INSR: variants seen among roughly 807,000 people sequenced by gnomAD.
INSR encodes the protein IR.
In INSR, 67 loss-of-function variants were observed where a neutral mutation model predicts 142.6. That is an observed-to-expected ratio of 0.47 (90% CI 0.39 to 0.58). INSR has a LOEUF of 0.58. Among genes scored for constraint, INSR ranks in the 20% least tolerant of loss-of-function variants. The pLI, the probability that INSR is intolerant of heterozygous loss-of-function variation, is 0.00. For missense variants in INSR, 1,248 were observed against 1,833.2 expected (o/e 0.68, Z 5.83); for synonymous variants, 756 against 743.1 (o/e 1.02, Z -0.28).
intron 14 of INSR, among the ~76,000 whole-genome samples, chr19:7,130,947 C>T (rs866374211): frequency 2.0e-5 from 3 of 148,572 alleles, no homozygotes; most frequent in African/African-American, 5.1e-5. Flanking sequence ...GGCGTGATGT[C>T]GGCTCACTGC....
In INSR at chr19:7,261,546, T is replaced by A. The variant is rs553286910; in HGVS notation, c.652+5799A>T. Among the ~76,000 whole-genome samples the A allele has an allele frequency of 3.5e-3, 519 of 149,086 alleles. 4 individuals carry two copies. Among genetic ancestry groups the A allele is most frequent in the African/African-American group, 0.012 (490 of 41,372 alleles). Reference sequence around the variant, plus strand: ...CCCTAACCATTTTTTTTTCTTTTTTTAAAAAATGGAGTTTCACTCTGTCGG... The same window carrying A: ...CCCTAACCATTTTTTTTTCTTTTTTAAAAAAATGGAGTTTCACTCTGTCGG... On this transcript the variant is annotated intron_variant, in intron 2 of 21. Transcript: ENST00000302850.
intron 2 of INSR, among the ~76,000 whole-genome samples, chr19:7,198,561 T>G (rs770761390): frequency 2.0e-5 from 3 of 152,110 alleles, no homozygotes; most frequent in Non-Finnish European, 4.4e-5. Flanking sequence ...AGGGGCCCCC[T>G]GACCCCAGGC....
At chr19:7,244,731 T>A (rs931186660) in intron 2 of INSR, among the ~76,000 whole-genome samples, 2 of 152,160 alleles carry the variant, frequency 1.3e-5, no homozygotes, top group African/African-American at 4.8e-5. Context: ...AAGTTCTGTT[T>A]AGAAATAACT....
chr19:7,132,736 C>T (rs1271801174), intron 13 of INSR, among the ~76,000 whole-genome samples: 5 of 151,712 alleles, frequency 3.3e-5, no homozygotes, highest in Admixed American at 6.6e-5. Context: ...GGATTACAGG[C>T]GCTCACCACC....
At chr19:7,237,303 G>A (rs1976189875) in intron 2 of INSR, among the ~76,000 whole-genome samples, 1 of 152,014 alleles carries the variant, frequency 6.6e-6, no homozygotes, top group African/African-American at 2.4e-5. Context: ...TGGATCACGA[G>A]GTCAGGAGTT....
At chr19:7,209,143 G>C (rs1026199973) in intron 2 of INSR, among the ~76,000 whole-genome samples, 14 of 152,170 alleles carry the variant, frequency 9.2e-5, no homozygotes, top group African/African-American at 3.1e-4. Flanking sequence ...CTGGGCGACA[G>C]AGCAAGATTC....
Position 7,272,070 on chromosome 19 carries a change from C to T in INSR, c.101-4174G>A, listed in dbSNP as rs571507184. Among the ~76,000 whole-genome samples the T allele has an allele frequency of 1.2e-3, 185 of 151,882 alleles. 2 individuals carry two copies. Among genetic ancestry groups the T allele is most frequent in the African/African-American group, 4.2e-3 (172 of 41,422 alleles). On this transcript the variant is annotated intron_variant, in intron 1 of 21. Transcript: ENST00000302850. ...CTGTAATCCCAGCACTGCGGGAGGC[C>T]GAGGTGGGCGGATCACGAGGTCAGG...
At chr19:7,271,255 G>T (rs1967918275) in intron 1 of INSR, among the ~76,000 whole-genome samples, 2 of 152,038 alleles carry the variant, frequency 1.3e-5, no homozygotes, top group African/African-American at 4.8e-5. Context: ...CAGTTCTTTG[G>T]GAAGCCAAGA....
At chr19:7,180,609 C>T (rs1169839677) in intron 3 of INSR, among the ~76,000 whole-genome samples, 1 of 150,208 alleles carries the variant, frequency 6.7e-6, no homozygotes, top group Non-Finnish European at 1.5e-5. Context: ...AGAGAGTGCA[C>T]GGATGATTGA....
intron 2 of INSR, among the ~76,000 whole-genome samples, chr19:7,207,287 G>A (rs1356984050): frequency 1.3e-5 from 2 of 152,056 alleles, no homozygotes; most frequent in Non-Finnish European, 2.9e-5. Context: ...ATGGTGGCAT[G>A]CACCTGTAAT....
At chr19:7,255,370 A>G (rs772391207) in intron 2 of INSR, among the ~76,000 whole-genome samples, 18 of 152,148 alleles carry the variant, frequency 1.2e-4, no homozygotes, top group Non-Finnish European at 2.5e-4. Flanking sequence ...ATTGGAGCCC[A>G]TAAGGACCCT....
Position 7,174,681 on chromosome 19 carries a change from A to G in INSR, c.1025T>C (p.Leu342Pro). Residue 342 changes from leucine (L) to proline (P), a missense_variant, in exon 4 of 22, where the codon CTA (leucine) becomes CCA (proline). Physicochemically the swap from Leu to Pro is moderately conservative, Grantham distance 98. Around this residue, in one of 3 missense-constraint regions of INSR, gnomAD observed 1,069 missense variants for 1,654.0 expected, o/e 0.65. Transcript: ENST00000302850. ...CGAGTCGATGGTCTTCTCGCCTTCT[A>G]GGAGGTGGCACACCTTGGGACAGGG... is the stretch of plus-strand genomic sequence containing the variant. ...LGPCPKVCHLLEGEKTIDSVT... is the reference protein window; with the variant it reads ...LGPCPKVCHLPEGEKTIDSVT... The G allele has an allele frequency of 1.2e-6, 2 of 1,612,398 alleles. No individual in the cohort carries two copies. The highest frequency in any genetic ancestry group is 1.1e-5 in the South Asian group (1 of 91,030).
chr19:7,172,707 C>T (rs1458264860), intron 4 of INSR, among the ~76,000 whole-genome samples: 1 of 151,968 alleles, frequency 6.6e-6, no homozygotes, highest in Non-Finnish European at 1.5e-5. Flanking sequence ...CATCTCAAAC[C>T]CTCCTTTCCC....
intron 1 of INSR, among the ~76,000 whole-genome samples, chr19:7,271,553 A>G (rs1246391106): frequency 6.6e-6 from 1 of 152,110 alleles, no homozygotes; most frequent in Non-Finnish European, 1.5e-5. Flanking sequence ...TGGGGATGTA[A>G]AACAGTGCAG....
At chr19:7,160,640 A>G (rs912214323) in intron 9 of INSR, among the ~76,000 whole-genome samples, 45 of 151,754 alleles carry the variant, frequency 3.0e-4, no homozygotes, top group African/African-American at 9.7e-4. Flanking sequence ...AGAAGAAGAA[A>G]AAGAAAAAGA....
intron 2 of INSR, among the ~76,000 whole-genome samples, chr19:7,208,798 A>T (rs1235161844): frequency 7.2e-6 from 1 of 139,304 alleles, no homozygotes; most frequent in Non-Finnish European, 1.5e-5. Flanking sequence ...GAGGTCAGGA[A>T]ATCGAGACCA....
chr19:7,189,808 C>T (rs1974527565), intron 2 of INSR, among the ~76,000 whole-genome samples: 1 of 151,952 alleles, frequency 6.6e-6, no homozygotes, highest in Admixed American at 6.6e-5. Context: ...GGATTACAGG[C>T]ACCCACAACC....
intron 10 of INSR, 165 bp downstream of exon 10, chr19:7,152,561 G>A: frequency 2.8e-6 from 2 of 716,742 alleles, no homozygotes; most frequent in Non-Finnish European, 5.0e-6. Context: ...TCGAAATTTC[G>A]AAACTGCAAG....
chr19:7,149,602 G>A (rs1157014545), intron 11 of INSR, among the ~76,000 whole-genome samples: 12 of 151,978 alleles, frequency 7.9e-5, no homozygotes, highest in African/African-American at 2.9e-4. Context: ...CGGGCGGATC[G>A]CCTGAGGTCG....
Sources: allele counts gnomAD v4.1 joint callset (sites outside exome capture counted in the v4.1 genomes callset), GRCh38; gene constraint gnomAD v4.1.1; regional missense constraint gnomAD v4.1.1; transcripts MANE v1.5; gene names NCBI Gene and HGNC (gene_info 2026-07-23, HGNC 2026-07-21).